The following ZBTB7C variants were observed in gnomAD, a reference collection of about 807,000 sequenced individuals.
ZBTB7C encodes the protein zinc finger and BTB domain containing 7C, also known as zinc finger and BTB domain-containing protein 7C.
A neutral mutation model predicts 25.7 loss-of-function variants in ZBTB7C; 8 were observed. The ratio of observed to expected loss-of-function variants is 0.31; its 90% confidence interval spans 0.18 to 0.56. ZBTB7C has a LOEUF of 0.56. Among genes scored for constraint, ZBTB7C ranks in the 20% least tolerant of loss-of-function variants. ZBTB7C has a pLI of 0.91. For synonymous variants in ZBTB7C, 394 were observed against 369.0 expected (o/e 1.07, Z -0.78); for missense variants, 824 against 855.2 (o/e 0.96, Z 0.46).
chr18:48,337,964 T>C (rs1030324713), intron 2 of ZBTB7C, among the ~76,000 whole-genome samples: 3 of 152,210 alleles, frequency 2.0e-5, no homozygotes, highest in Non-Finnish European at 4.4e-5. Flanking sequence ...ACCCATCTAA[T>C]GCTAAATCTT....
chr18:48,323,411 T>A (rs1188742106), intron 2 of ZBTB7C, among the ~76,000 whole-genome samples: 1 of 152,136 alleles, frequency 6.6e-6, no homozygotes, highest in Non-Finnish European at 1.5e-5. Context: ...GCTGGAGAAA[T>A]TGAGCATGGG....
At chr18:48,137,421 CACT>C (rs386802987) in intron 3 of ZBTB7C, 21,574 of 629,364 alleles carry the variant, frequency 0.034, 475 homozygotes, top group Middle Eastern at 0.081. Context: ...GGTTTCCCCC[CACT>C]CTCCTTCTCT....
chr18:48,409,664 G>A (rs1051766966), upstream of ZBTB7C, among the ~76,000 whole-genome samples: 3 of 152,006 alleles, frequency 2.0e-5, no homozygotes, highest in East Asian at 3.9e-4. Context: ...TAACTGTGGC[G>A]AGTGGGCGGC....
At chr18:48,207,631 T>TCTA (rs1390942415) in intron 2 of ZBTB7C, among the ~76,000 whole-genome samples, 47 of 114,702 alleles carry the variant, frequency 4.1e-4, no homozygotes, top group South Asian at 8.1e-4. Flanking sequence ...CTAAAATATA[T>TCTA]TCTATAGAGA....
At chr18:48,360,709 A>T (rs1433012627) in intron 1 of ZBTB7C, among the ~76,000 whole-genome samples, 1 of 152,054 alleles carries the variant, frequency 6.6e-6, no homozygotes, top group Non-Finnish European at 1.5e-5. Context: ...AGACCAAGTG[A>T]CCAGCCAAAG....
chr18:48,060,336 C>A (rs978901967), intron 3 of ZBTB7C, among the ~76,000 whole-genome samples: 2 of 152,130 alleles, frequency 1.3e-5, no homozygotes, highest in South Asian at 2.1e-4. Context: ...GGGATGGCCA[C>A]CCTTCACTTC....
chr18:48,097,104 A>G (rs1257331573), intron 3 of ZBTB7C, among the ~76,000 whole-genome samples: 9 of 152,220 alleles, frequency 5.9e-5, no homozygotes, highest in Non-Finnish European at 1.2e-4. Context: ...CTCTTCTCAC[A>G]TAGGGTTCCC....
chr18:48,355,423 G>A (rs1484560339), intron 1 of ZBTB7C, among the ~76,000 whole-genome samples: 7 of 152,124 alleles, frequency 4.6e-5, no homozygotes, highest in South Asian at 2.1e-4. Context: ...TTCCCAGTTC[G>A]CCACGGAATA....
intron 2 of ZBTB7C, among the ~76,000 whole-genome samples, chr18:48,314,554 C>T (rs1213837248): frequency 6.6e-6 from 1 of 152,132 alleles, no homozygotes; most frequent in African/African-American, 2.4e-5. Context: ...AGGGTGGGGT[C>T]ACTGCATATA....
chr18:48,132,909 C>G (rs550995200), intron 3 of ZBTB7C, among the ~76,000 whole-genome samples: 120 of 152,320 alleles, frequency 7.9e-4, no homozygotes, highest in Non-Finnish European at 1.2e-3. Context: ...TCCTGAAGGC[C>G]AAGTCCAGTT....
chr18:48,314,278 T>C (rs532429080), intron 2 of ZBTB7C, among the ~76,000 whole-genome samples: 2 of 152,326 alleles, frequency 1.3e-5, no homozygotes, highest in East Asian at 3.9e-4. Flanking sequence ...TGATAACTTC[T>C]TGCTTCAGTT....
chr18:48,359,847 G>A (rs906157101), intron 1 of ZBTB7C, among the ~76,000 whole-genome samples: 2 of 152,216 alleles, frequency 1.3e-5, no homozygotes, highest in African/African-American at 4.8e-5. Flanking sequence ...AGAGACCCCT[G>A]CCCTTCTAGG....
intron 3 of ZBTB7C, among the ~76,000 whole-genome samples, chr18:48,089,918 C>T (rs959062308): frequency 1.3e-5 from 2 of 152,238 alleles, no homozygotes; most frequent in Non-Finnish European, 2.9e-5. Flanking sequence ...AGGGTTGACA[C>T]TGGCCCTTCA....
chr18:48,364,795 T>C (rs1160873068), intron 1 of ZBTB7C, among the ~76,000 whole-genome samples: 1 of 152,236 alleles, frequency 6.6e-6, no homozygotes, highest in African/African-American at 2.4e-5. Context: ...CCTTTTACCT[T>C]TTGTGCACAA....
At chr18:48,032,634 C>T (rs1256345954) in intron 4 of ZBTB7C, among the ~76,000 whole-genome samples, 1 of 151,734 alleles carries the variant, frequency 6.6e-6, no homozygotes, top group Non-Finnish European at 1.5e-5. Flanking sequence ...GACAGGGTTT[C>T]ACCATATTAG....
chr18:48,279,181 C>T (rs2044757640), intron 2 of ZBTB7C, among the ~76,000 whole-genome samples: 1 of 151,988 alleles, frequency 6.6e-6, no homozygotes, highest in Admixed American at 6.6e-5. Context: ...GAACACAGAC[C>T]CCTGACTGTT....
At chr18:48,339,608 C>CT in intron 1 of ZBTB7C, among the ~76,000 whole-genome samples, 1 of 152,234 alleles carries the variant, frequency 6.6e-6, no homozygotes, top group South Asian at 2.1e-4. Context: ...AGCAAGCTCC[C>CT]TGGCCCTAGG....
intron 1 of ZBTB7C, among the ~76,000 whole-genome samples, chr18:48,363,747 C>G (rs1276271365): frequency 6.6e-6 from 1 of 152,108 alleles, no homozygotes; most frequent in Non-Finnish European, 1.5e-5. Context: ...TAAAACACAG[C>G]TTTACCCCTG....
chr18:48,221,517 T>C (rs2042956777), intron 2 of ZBTB7C, among the ~76,000 whole-genome samples: 1 of 143,424 alleles, frequency 7.0e-6, no homozygotes, highest in African/African-American at 2.7e-5. Flanking sequence ...CCTTGTCTCC[T>C]CTATTCTGTC....
Sources: gnomAD v4.1 joint callset for allele counts (sites outside exome capture counted in the v4.1 genomes callset) on GRCh38, gnomAD v4.1.1 for gene constraint, MANE v1.5 for transcripts, NCBI Gene and HGNC (gene_info 2026-07-23, HGNC 2026-07-21) for gene names.